The following STXBP5 variants were observed in gnomAD, a reference collection of about 807,000 sequenced individuals.
The protein encoded by STXBP5 is syntaxin-binding protein 5.
Under a neutral mutation model 152.4 loss-of-function variants are expected in STXBP5, and 50 were observed. The ratio of observed to expected loss-of-function variants is 0.33; its 90% confidence interval spans 0.26 to 0.42. The LOEUF (loss-of-function observed/expected upper bound fraction) is 0.42. Ranked by LOEUF, STXBP5 falls within the 10% of genes least tolerant of loss-of-function variation. The probability of loss-of-function intolerance (pLI) is 1.00; values close to 1 mark genes in which losing one functional copy is unlikely to be tolerated. For missense variants in STXBP5, 1,167 were observed against 1,388.6 expected, an observed-to-expected ratio of 0.84 and a Z score of 2.54; for synonymous variants, 492 against 494.7, an observed-to-expected ratio of 0.99 and a Z score of 0.07.
At position 147,339,846 on chromosome 6, in the gene STXBP5, T is replaced by C. The variant is rs1784011755; in HGVS notation, c.2254+462T>C. ...CTGTACCGCCTTTGGCAAAGTTAAA[T>C]AGGAATTTTCTAGGACTGCCCCTAC... On this transcript the variant is annotated intron_variant, in intron 21 of 27. Coordinates refer to ENST00000321680, the MANE Select transcript of STXBP5 (RefSeq NM_001127715.4). Among the ~76,000 whole-genome samples, 4 of 151,970 alleles carry C rather than the reference T, an allele frequency of 2.6e-5. No homozygotes were observed. The South Asian group carries it at 6.2e-4, about 24-fold the overall frequency.
At chr6:147,244,623 C>T (rs1582833504) in intron 4 of STXBP5, among the ~76,000 whole-genome samples, 1 of 151,844 alleles carries the variant, frequency 6.6e-6, no homozygotes, top group African/African-American at 2.4e-5. Flanking sequence ...AATGGCATGC[C>T]CTAGCGTCAA....
At position 147,210,577 on chromosome 6, in the gene STXBP5, G is replaced by A. The variant is rs1000176507; in HGVS notation, c.248+4509G>A. Reference sequence around the variant, plus strand: ...ACATTGCAGGATATTTAATATCCCCGTCTCCCACCTACTAAATGCCCATGT... The same window carrying A: ...ACATTGCAGGATATTTAATATCCCCATCTCCCACCTACTAAATGCCCATGT... On this transcript the variant is annotated intron_variant, in intron 2 of 27. Transcript: ENST00000321680. Among the ~76,000 whole-genome samples, 8 of 152,040 alleles carry A rather than the reference G, an allele frequency of 5.3e-5. 1 individual carries two copies. The highest frequency in any genetic ancestry group is 4.6e-4 in the Admixed American group (7 of 15,268).
intron 9 of STXBP5, among the ~76,000 whole-genome samples, chr6:147,293,847 C>T (rs1311553514): frequency 6.6e-6 from 1 of 152,186 alleles, no homozygotes; most frequent in East Asian, 1.9e-4. Flanking sequence ...CCACATTAAA[C>T]ATTCACCTCA....
rs1784943219 is a variant in STXBP5 at position 147,359,093 on chromosome 6, ATAACTCCTT to A, written c.2318_2326del (p.Asn773_Phe775del). On this transcript the variant is annotated inframe_deletion, in exon 23 of 28. Transcript: ENST00000321680. The stretch of plus-strand genomic sequence containing the variant: ...TTTTTAACCATTTCAGATGTAAAGG[ATAACTCCTT>A]TAGCCGATCACGGAGTTCAAGTGTA... 6.2e-7 allele frequency: 1 copy of A among 1,613,844 alleles called. No homozygotes were observed. Among genetic ancestry groups the A allele is most frequent in the Admixed American group, 1.7e-5 (1 of 59,968 alleles).
chr6:147,253,735 C>A (rs559065150), intron 4 of STXBP5, among the ~76,000 whole-genome samples: 19 of 152,204 alleles, frequency 1.2e-4, no homozygotes, highest in African/African-American at 4.6e-4. Flanking sequence ...ATACAACTTA[C>A]AAGGGATGTG....
intron 4 of STXBP5, among the ~76,000 whole-genome samples, chr6:147,240,326 T>C (rs986739965): frequency 6.6e-6 from 1 of 152,208 alleles, no homozygotes; most frequent in Non-Finnish European, 1.5e-5. Flanking sequence ...TGAGTAAGGA[T>C]ATAGTCCCTT....
chr6:147,363,734 A>T, intron 24 of STXBP5, 30 bp downstream of exon 24: 1 of 1,565,996 alleles, frequency 6.4e-7, no homozygotes, highest in East Asian at 2.2e-5. Context: ...TAAAACACAG[A>T]TATAGCATTT....
intron 21 of STXBP5, among the ~76,000 whole-genome samples, chr6:147,340,118 C>G (rs915289005): frequency 6.6e-6 from 1 of 151,972 alleles, no homozygotes. Context: ...GATTTAAATT[C>G]TAAATTTTTA....
chr6:147,218,692 G>T (rs1289459318), intron 2 of STXBP5, among the ~76,000 whole-genome samples: 1 of 152,132 alleles, frequency 6.6e-6, no homozygotes, highest in African/African-American at 2.4e-5. Flanking sequence ...TGTTGGCCAG[G>T]CTTGTCTTGA....
chr6:147,304,536 A>G (rs971722367), intron 9 of STXBP5, among the ~76,000 whole-genome samples: 2 of 152,074 alleles, frequency 1.3e-5, no homozygotes, highest in Non-Finnish European at 2.9e-5. Context: ...CAGAGTCCCC[A>G]GTGGAACACT....
At chr6:147,332,106 C>G (rs1327178580) in intron 18 of STXBP5, among the ~76,000 whole-genome samples, 2 of 152,122 alleles carry the variant, frequency 1.3e-5, no homozygotes, top group Admixed American at 6.5e-5. Flanking sequence ...AGCTGTATTG[C>G]TAGGAATATT....
At chr6:147,274,179 C>T (rs968098920) in intron 7 of STXBP5, among the ~76,000 whole-genome samples, 17 of 152,084 alleles carry the variant, frequency 1.1e-4, no homozygotes, top group African/African-American at 4.1e-4. Flanking sequence ...AAAGGTAAAA[C>T]AGTCCTTAAA....
At chr6:147,359,860 T>G (rs1368450431) in intron 23 of STXBP5, among the ~76,000 whole-genome samples, 1 of 152,090 alleles carries the variant, frequency 6.6e-6, no homozygotes, top group Non-Finnish European at 1.5e-5. Flanking sequence ...CAGTCTATCA[T>G]TGTTGGACAT....
chr6:147,235,963 A>T (rs750233538), intron 3 of STXBP5, among the ~76,000 whole-genome samples: 12 of 152,176 alleles, frequency 7.9e-5, no homozygotes, highest in Non-Finnish European at 1.2e-4. Flanking sequence ...TAGAAGGAAG[A>T]AAGAGAAATT....
At chr6:147,320,572 TGTGTGTG>T (rs1782879441) in intron 16 of STXBP5, among the ~76,000 whole-genome samples, 1 of 122,494 alleles carries the variant, frequency 8.2e-6, no homozygotes, top group African/African-American at 3.8e-5. Context: ...TGTGTGTGTG[TGTGTGTG>T]TGTGTGTGTG....
At chr6:147,273,685 C>G (rs946570131) in intron 7 of STXBP5, among the ~76,000 whole-genome samples, 1 of 152,168 alleles carries the variant, frequency 6.6e-6, no homozygotes, top group Non-Finnish European at 1.5e-5. Context: ...GGCGTGGTGG[C>G]TCACGCCTGT....
At chr6:147,212,595 G>A (rs1431965838) in intron 2 of STXBP5, among the ~76,000 whole-genome samples, 1 of 152,098 alleles carries the variant, frequency 6.6e-6, no homozygotes, top group African/African-American at 2.4e-5. Context: ...GGGGATTTAG[G>A]AATTCTTTGG....
chr6:147,330,761 GA>G (rs1402138551), intron 18 of STXBP5, among the ~76,000 whole-genome samples: 3 of 152,154 alleles, frequency 2.0e-5, no homozygotes, highest in African/African-American at 7.2e-5. Flanking sequence ...GTACTTTTGT[GA>G]ACCAGACAGG....
chr6:147,232,057 G>A (rs1225974800), intron 2 of STXBP5, among the ~76,000 whole-genome samples: 1 of 151,820 alleles, frequency 6.6e-6, no homozygotes, highest in Non-Finnish European at 1.5e-5. Flanking sequence ...ACTCTATGTA[G>A]TTTAATCCTC....
Sources: allele counts gnomAD v4.1 joint callset (sites outside exome capture counted in the v4.1 genomes callset), GRCh38; gene constraint gnomAD v4.1.1; transcripts MANE v1.5; gene names NCBI Gene and HGNC (gene_info 2026-07-23, HGNC 2026-07-21).